Variants in GCNT2 observed in about 807,000 individuals in gnomAD.
GCNT2 encodes glucosaminyl (N-acetyl) transferase 2 (I blood group).
A neutral mutation model predicts 34.2 loss-of-function variants in GCNT2; 34 were observed. That is an observed-to-expected ratio of 1.00 (90% CI 0.76 to 1.32). GCNT2 has a LOEUF of 1.32. Ranked by LOEUF, GCNT2 falls within the 40% of genes most tolerant of loss-of-function variation. GCNT2 has a pLI of 0.00. For synonymous variants in GCNT2, 212 were observed against 188.0 expected (o/e 1.13, Z -1.04); for missense variants, 584 against 489.4 (o/e 1.19, Z -1.82).
intron 3 of GCNT2, among the ~76,000 whole-genome samples, chr6:10,579,690 C>T (rs1763976783): frequency 6.6e-6 from 1 of 151,962 alleles, no homozygotes; most frequent in African/African-American, 2.4e-5. Flanking sequence ...GTGGCTGGCA[C>T]CTGTAATCCC....
At position 10,628,385 on chromosome 6, in the gene GCNT2, A is replaced by C. The variant is rs1025605206; in HGVS notation, c.*1778A>C. The stretch of plus-strand genomic sequence containing the variant: ...TTGAATGTCAATCATATTTAAAGGG[A>C]ATGACTTTGAAGTAAAACCTTTTTT... On this transcript the variant is annotated 3_prime_UTR_variant, in exon 5 of 5. Transcript: ENST00000495262. 6.6e-6 allele frequency: 1 copy of C among 152,262 alleles called. No individual in the cohort carries two copies. Among genetic ancestry groups the C allele is most frequent in the Non-Finnish European group, 1.5e-5 (1 of 68,018 alleles). 9.4% of individuals were successfully genotyped at this position (152,262 alleles called of 1,614,324 possible). A position where few individuals can be genotyped will look rare whatever the true frequency, so the allele number is the denominator to read the frequency against.
At chr6:10,546,885 TTAA>T (rs1466528550) in intron 3 of GCNT2, among the ~76,000 whole-genome samples, 1 of 152,174 alleles carries the variant, frequency 6.6e-6, no homozygotes, top group Non-Finnish European at 1.5e-5. Context: ...AGAGATAACA[TTAA>T]TAATATGTTG....
In GCNT2 at chr6:10,580,344, C is replaced by T. The variant is rs555167804; in HGVS notation, c.926-41007C>T. On this transcript the variant is annotated intron_variant, in intron 3 of 4. Coordinates refer to ENST00000495262, the MANE Select transcript of GCNT2 (RefSeq NM_145649.5). Reference sequence around the variant, plus strand: ...CCAATCCTCCTCAATGTCTGCTGCCCTCTGTGAACTCACCGGCCCTGCTCG... The same window carrying T: ...CCAATCCTCCTCAATGTCTGCTGCCTTCTGTGAACTCACCGGCCCTGCTCG... Among the ~76,000 whole-genome samples, 187 of 152,300 alleles carry T rather than the reference C, an allele frequency of 1.2e-3. 3 individuals carry two copies. The highest frequency in any genetic ancestry group is 4.2e-3 in the African/African-American group (173 of 41,548).
intron 3 of GCNT2, among the ~76,000 whole-genome samples, chr6:10,580,472 A>G: frequency 6.6e-6 from 1 of 152,116 alleles, no homozygotes; most frequent in East Asian, 1.9e-4. Flanking sequence ...GGTTGCTTGG[A>G]GATCTGTTTT....
chr6:10,572,092 T>A (rs1227019167), intron 3 of GCNT2, among the ~76,000 whole-genome samples: 1 of 151,144 alleles, frequency 6.6e-6, no homozygotes, highest in Non-Finnish European at 1.5e-5. Context: ...AATCCCGTGT[T>A]CTGGGAAACC....
chr6:10,555,551 A>G (rs1442744519), intron 3 of GCNT2, among the ~76,000 whole-genome samples: 3 of 152,202 alleles, frequency 2.0e-5, no homozygotes, highest in Non-Finnish European at 4.4e-5. Flanking sequence ...CTAAGGTCTC[A>G]TATAACTCAG....
chr6:10,548,948 G>A (rs187199799), intron 3 of GCNT2, among the ~76,000 whole-genome samples: 193 of 152,232 alleles, frequency 1.3e-3, no homozygotes, highest in African/African-American at 4.5e-3. Flanking sequence ...TAGGAGAGAC[G>A]GGGTTTCACC....
chr6:10,521,592 AAAGT>A (rs1293341491), intron 1 of GCNT2, 175 bp downstream of exon 1: 2 of 152,160 alleles, frequency 1.3e-5, no homozygotes, highest in Non-Finnish European at 2.9e-5. Context: ...TGCCGGGCAT[AAAGT>A]AAGTACACCA....
intron 3 of GCNT2, among the ~76,000 whole-genome samples, chr6:10,577,875 G>A (rs1459067858): frequency 6.6e-6 from 1 of 151,800 alleles, no homozygotes; most frequent in African/African-American, 2.4e-5. Flanking sequence ...CCAGGTCATT[G>A]TTTTTGAACT....
At chr6:10,626,118 A>G (rs1387746970) in intron 4 of GCNT2, among the ~76,000 whole-genome samples, 1 of 152,212 alleles carries the variant, frequency 6.6e-6, no homozygotes, top group African/African-American at 2.4e-5. Flanking sequence ...TACTAACACA[A>G]TTTTCATATT....
At chr6:10,542,866 G>A (rs1018165840) in intron 3 of GCNT2, among the ~76,000 whole-genome samples, 4 of 144,106 alleles carry the variant, frequency 2.8e-5, no homozygotes, top group Middle Eastern at 3.6e-3. Context: ...GATACCAAGA[G>A]TGAAACTGCT....
chr6:10,530,624 G>A (rs527274795), intron 3 of GCNT2, among the ~76,000 whole-genome samples: 93 of 150,038 alleles, frequency 6.2e-4, no homozygotes, highest in African/African-American at 2.1e-3. Context: ...TAATCCCAGC[G>A]CTTTGGAAGG....
intron 4 of GCNT2, among the ~76,000 whole-genome samples, chr6:10,622,435 CTG>C (rs1766073806): frequency 6.6e-6 from 1 of 151,924 alleles, no homozygotes. Flanking sequence ...GGTCTTCCCT[CTG>C]TGCGTGTCTG....
Position 10,621,360 on chromosome 6 carries a change from G to A in GCNT2, c.935G>A (p.Gly312Asp), listed in dbSNP as rs777441702. Residue 312 changes from glycine (G) to aspartate (D), a missense_variant, in exon 4 of 5, where the codon GGC becomes GAC. Coordinates refer to ENST00000495262, the MANE Select transcript of GCNT2 (RefSeq NM_145649.5). ...TTTATCAACATTGCAGGTGTTCCTG[G>A]CTCTATGCCAAATGCATCCTGGACT... The part of the protein sequence containing the change: ...VTLNRIPGVP[G>D]SMPNASWTGN... 8 of 1,609,196 alleles carry A rather than the reference G, an allele frequency of 5.0e-6. No homozygotes were observed. The Middle Eastern group carries it at 4.9e-4, about 99-fold the overall frequency.
intron 3 of GCNT2, among the ~76,000 whole-genome samples, chr6:10,550,331 C>T (rs111370454): frequency 1.1e-4 from 17 of 151,160 alleles, no homozygotes; most frequent in African/African-American, 3.9e-4. Flanking sequence ...CCACTGAGTC[C>T]GGCCTAACAT....
chr6:10,530,036 A>G (rs1007666145), intron 3 of GCNT2, 200 bp downstream of exon 3: 13 of 564,588 alleles, frequency 2.3e-5, no homozygotes, highest in Non-Finnish European at 3.5e-5. Flanking sequence ...CTCTGTTCAC[A>G]GGACAAAAGA....
chr6:10,582,534 ATT>A (rs1491478146), intron 3 of GCNT2, among the ~76,000 whole-genome samples: 2 of 122,720 alleles, frequency 1.6e-5, no homozygotes, highest in African/African-American at 7.0e-5. Context: ...TACATCATAT[ATT>A]ATATATCATG....
At chr6:10,579,312 T>C (rs1763963318) in intron 3 of GCNT2, among the ~76,000 whole-genome samples, 1 of 152,170 alleles carries the variant, frequency 6.6e-6, no homozygotes. Context: ...ATTAAATAAA[T>C]ATATTTCAGA....
intron 1 of GCNT2, among the ~76,000 whole-genome samples, chr6:10,525,841 G>A (rs1267605384): frequency 6.6e-6 from 1 of 152,138 alleles, no homozygotes; most frequent in Non-Finnish European, 1.5e-5. Context: ...TTGTAAATTC[G>A]AAGAGCAGGC....
Sources: allele counts gnomAD v4.1 joint callset (sites outside exome capture counted in the v4.1 genomes callset), GRCh38; gene constraint gnomAD v4.1.1; transcripts MANE v1.5; gene names NCBI Gene and HGNC (gene_info 2026-07-23, HGNC 2026-07-21).